Variants in RAB11FIP5 observed in about 807,000 individuals in gnomAD.
RAB11FIP5 encodes the protein RAB11 family interacting protein 5.
In RAB11FIP5, 48 loss-of-function variants were observed where a neutral mutation model predicts 85.1. The observed-to-expected ratio is 0.56, with a 90% confidence interval of 0.45 to 0.72. The LOEUF (loss-of-function observed/expected upper bound fraction) is 0.72, where lower values mean the gene tolerates loss of function less well. Ranked by LOEUF, RAB11FIP5 falls within the 30% of genes least tolerant of loss-of-function variation. The pLI is 0.00. For missense variants in RAB11FIP5, 1,491 were observed against 1,687.0 expected, an observed-to-expected ratio of 0.88 and a Z score of 2.04; for synonymous variants, 729 against 727.3, an observed-to-expected ratio of 1.00 and a Z score of -0.04.
At chr2:73,104,301 G>C (rs1037279437) in intron 1 of RAB11FIP5, among the ~76,000 whole-genome samples, 3 of 152,182 alleles carry the variant, frequency 2.0e-5, no homozygotes, top group African/African-American at 7.2e-5. Flanking sequence ...ATAGGGGCCA[G>C]GTGTGGTGGC....
At position 73,080,573 on chromosome 2, in the gene RAB11FIP5, G is replaced by T; in HGVS notation, c.2659C>A (p.Pro887Thr). The T allele has an allele frequency of 8.1e-7, 1 of 1,232,424 alleles. No homozygotes were observed. Among genetic ancestry groups the T allele is most frequent in the Non-Finnish European group, 1.0e-6 (1 of 988,066 alleles). 76.3% of individuals were successfully genotyped at this position (1,232,424 alleles called of 1,614,324 possible). A position where few individuals can be genotyped will look rare whatever the true frequency, so the allele number is the denominator to read the frequency against. Reference sequence around the variant, plus strand: ...AGCCCCTTGTCAGACACCCACTCGGGTTTAGGCTCGGGCTCCGGTGGGGGA... The same window carrying T: ...AGCCCCTTGTCAGACACCCACTCGGTTTTAGGCTCGGGCTCCGGTGGGGGA... The part of the protein sequence containing the change: ...GLPPPEPEPK[P>T]EWVSDKGLQP... Residue 887 changes from proline to threonine, a missense_variant, in exon 4 of 6, where the codon CCC (proline) becomes ACC (threonine). Pro to Thr is a conservative substitution (Grantham distance 38, BLOSUM62 -1). This residue lies in a region of RAB11FIP5 where 1,211 missense variants were observed against 1,338.0 expected (regional missense o/e 0.91). Transcript: ENST00000486777.
intron 1 of RAB11FIP5, among the ~76,000 whole-genome samples, chr2:73,091,199 C>T (rs867409070): frequency 6.6e-6 from 1 of 152,188 alleles, no homozygotes; most frequent in Non-Finnish European, 1.5e-5. Flanking sequence ...CTAAGACAGA[C>T]ACATGCCAAC....
chr2:73,076,281 G>T, intron 4 of RAB11FIP5, 99 bp from the exon 5 acceptor site: 1 of 1,183,924 alleles, frequency 8.4e-7, no homozygotes, highest in African/African-American at 1.5e-5. Context: ...CTGCTGGACA[G>T]AAAGCCCAGC....
chr2:73,111,510 C>T (rs575848206), intron 1 of RAB11FIP5, among the ~76,000 whole-genome samples: 1 of 152,338 alleles, frequency 6.6e-6, no homozygotes, highest in African/African-American at 2.4e-5. Flanking sequence ...GGAAATGGGG[C>T]TCCAAGGCTG....
chr2:73,091,191 A>G (rs1684201708), intron 1 of RAB11FIP5, among the ~76,000 whole-genome samples: 1 of 152,226 alleles, frequency 6.6e-6, no homozygotes, highest in Non-Finnish European at 1.5e-5. Flanking sequence ...GCAATGAACT[A>G]AGACAGACAC....
Position 73,074,725 on chromosome 2 carries a change from C to T in RAB11FIP5, c.*796G>A, listed in dbSNP as rs112413800. ...GCTTGATCCCCAAATCATAAGCAGT[C>T]CCAAGCCCCAGCCTGGAGGGACCTA... On this transcript the variant is annotated 3_prime_UTR_variant, in exon 6 of 6. Coordinates refer to ENST00000486777, the MANE Select transcript of RAB11FIP5 (RefSeq NM_001371272.1). 292 of 165,570 alleles carry T rather than the reference C, an allele frequency of 1.8e-3. 2 individuals carry two copies. The highest frequency in any genetic ancestry group is 5.3e-3 in the African/African-American group (222 of 41,772). 10.3% of individuals were successfully genotyped at this position (165,570 alleles called of 1,614,324 possible). A position where few individuals can be genotyped will look rare whatever the true frequency, so the allele number is the denominator to read the frequency against.
intron 1 of RAB11FIP5, among the ~76,000 whole-genome samples, chr2:73,109,719 C>A (rs1684603618): frequency 6.6e-6 from 1 of 152,212 alleles, no homozygotes; most frequent in African/African-American, 2.4e-5. Context: ...CAGAGAGCTG[C>A]AAAGGGCCAG....
chr2:73,080,492 G>A lies in RAB11FIP5; in HGVS notation c.2740C>T (p.Gln914Ter). Residue 914 changes from glutamine (Q) to a stop codon, truncating the protein, a stop_gained, in exon 4 of 6, where the codon CAG (glutamine) becomes TAG (stop). Transcript: ENST00000486777. LOFTEE classifies it high-confidence loss of function. ...GCGGCCTTCTCCTCCTCCTCCTCCT[G>A]GGATCTTGAGGGTGTGAAGAGGCGC... The part of the protein sequence containing the change: ...PPRLFTPSRS[Q>*]EEEEEKAAVG... 1.6e-6 allele frequency: 2 copies of A among 1,233,168 alleles called. No individual in the cohort carries two copies. Among genetic ancestry groups the A allele is most frequent in the Non-Finnish European group, 2.0e-6 (2 of 988,522 alleles). 76.4% of individuals were successfully genotyped at this position (1,233,168 alleles called of 1,614,324 possible). A position where few individuals can be genotyped will look rare whatever the true frequency, so the allele number is the denominator to read the frequency against.
rs878935218 is a variant in RAB11FIP5, at chr2:73,086,182, C to G, written c.1568+1868G>C. On this transcript the variant is annotated intron_variant, in intron 3 of 5. Transcript: ENST00000486777. This position sits in a 1 kb window ranked among gnomAD's most constrained non-coding sequence, Gnocchi z 4.4. ...TTACCCAAAGCACAGCCCCTCCCACCCCATCTGCATGCACGGCCACAGAGC... is the reference window on the plus strand; with the variant it reads ...TTACCCAAAGCACAGCCCCTCCCACGCCATCTGCATGCACGGCCACAGAGC... Among the ~76,000 whole-genome samples the G allele has an allele frequency of 1.3e-5, 2 of 152,206 alleles. No individual in the cohort carries two copies. Among genetic ancestry groups the G allele is most frequent in the Admixed American group, 1.3e-4 (2 of 15,284 alleles).
In RAB11FIP5 at chr2:73,080,206, T is replaced by C; in HGVS notation, c.3026A>G (p.Lys1009Arg). ...GTGCTGACTCTGAAGAGCCAAGCTC[T>C]TTGAGTGACAGGGTATGGGGGCAGG... ...EGPAPIPCHSKSLALQSQHIW... is the reference protein window; with the variant it reads ...EGPAPIPCHSRSLALQSQHIW... The change falls in exon 4 of 6, where the codon AAG becomes AGG. Residue 1009 changes from lysine (K) to arginine (R), a missense_variant. Lys to Arg is a conservative substitution (Grantham distance 26). Transcript: ENST00000486777. 8.1e-7 allele frequency: 1 copy of C among 1,232,212 alleles called. No individual in the cohort carries two copies. 76.3% of individuals were successfully genotyped at this position (1,232,212 alleles called of 1,614,324 possible).
rs747136486 is a variant in RAB11FIP5, at chr2:73,075,448, A to T, written c.*73T>A. On this transcript the variant is annotated 3_prime_UTR_variant, in exon 6 of 6. Transcript: ENST00000486777. This position sits in a 1 kb window ranked among gnomAD's most constrained non-coding sequence, Gnocchi z 4.6. Reference sequence around the variant, plus strand: ...GACAGACGATGCCCCACTGCAGATGAGAGAGTTCAGGAGGAGAGAGGGCAG... The same window carrying T: ...GACAGACGATGCCCCACTGCAGATGTGAGAGTTCAGGAGGAGAGAGGGCAG... 3 of 1,424,420 alleles carry T rather than the reference A, an allele frequency of 2.1e-6. No homozygotes were observed. In the East Asian group the frequency reaches 6.8e-5, roughly 32 times the overall value. The allele number at this position is 1,424,420 out of a possible 1,614,324, so 88.2% of individuals were successfully genotyped here.
At chr2:73,106,990 G>T (rs1684540933) in intron 1 of RAB11FIP5, among the ~76,000 whole-genome samples, 1 of 152,060 alleles carries the variant, frequency 6.6e-6, no homozygotes, top group African/African-American at 2.4e-5. Context: ...AGAGGCCGGG[G>T]CCCAGCTCCA....
At chr2:73,087,650 C>T (rs925456580) in intron 3 of RAB11FIP5, among the ~76,000 whole-genome samples, 3 of 152,156 alleles carry the variant, frequency 2.0e-5, no homozygotes, top group Admixed American at 6.5e-5. Context: ...TCTGAGAGTG[C>T]GGTCTCCAGT....
rs999041048 is a variant in RAB11FIP5, at chr2:73,074,328, A to C, written c.*1193T>G. On this transcript the variant is annotated 3_prime_UTR_variant, in exon 6 of 6. Coordinates refer to ENST00000486777, the MANE Select transcript of RAB11FIP5 (RefSeq NM_001371272.1). ...GTCCTGAGGCCAGACAATGAGAGTG[A>C]GCAGGGCAGCCCCAGGCCTGCCTGC... The C allele has an allele frequency of 2.0e-5, 3 of 152,358 alleles. No individual in the cohort carries two copies. Among genetic ancestry groups the C allele is most frequent in the Non-Finnish European group, 4.4e-5 (3 of 68,178 alleles). 9.4% of individuals were successfully genotyped at this position (152,358 alleles called of 1,614,324 possible). A position where few individuals can be genotyped will look rare whatever the true frequency, so the allele number is the denominator to read the frequency against.
intron 1 of RAB11FIP5, among the ~76,000 whole-genome samples, chr2:73,098,034 T>G (rs1056679235): frequency 6.6e-6 from 1 of 152,214 alleles, no homozygotes; most frequent in African/African-American, 2.4e-5. Flanking sequence ...TTAACAACCC[T>G]GTGAGGTTGA....
chr2:73,096,981 C>T (rs1684330976), intron 1 of RAB11FIP5, among the ~76,000 whole-genome samples: 1 of 152,200 alleles, frequency 6.6e-6, no homozygotes, highest in Non-Finnish European at 1.5e-5. Context: ...CTCTGTTCAT[C>T]CAAGCCTCCT....
rs532279156 is a variant in RAB11FIP5 at position 73,081,320 on chromosome 2, G to A, written c.1912C>T (p.Leu638=). 1.6e-6 allele frequency: 2 copies of A among 1,232,836 alleles called. No individual in the cohort carries two copies. Among genetic ancestry groups the A allele is most frequent in the Non-Finnish European group, 1.0e-6 (1 of 988,588 alleles). 76.4% of individuals were successfully genotyped at this position (1,232,836 alleles called of 1,614,324 possible). The change falls in exon 4 of 6, where the codon CTG becomes TTG. Residue 638 remains leucine, a synonymous_variant. Coordinates refer to ENST00000486777, the MANE Select transcript of RAB11FIP5 (RefSeq NM_001371272.1). This position sits in a 1 kb window ranked among gnomAD's most constrained non-coding sequence, Gnocchi z 4.2. ...GGCAGGGCTTTCCCAGGGGAGGCCA[G>A]GGGGGTGGGGCTGGCCCTCGAGGCA... ...PSASRASPTP[L]ASPGKALPEW...
In RAB11FIP5 at chr2:73,078,614, G is replaced by A. The variant is rs1289981211; in HGVS notation, c.3581+1037C>T. Among the ~76,000 whole-genome samples, 3 of 152,198 alleles carry A rather than the reference G, an allele frequency of 2.0e-5. No homozygotes were observed. The highest frequency in any genetic ancestry group is 2.0e-4 in the Admixed American group (3 of 15,284). ...CCACTTTATCTTCCCCAGTGGATTG[G>A]ACATTCCTTGGGAACAGAGTGGAGA... is the stretch of plus-strand genomic sequence containing the variant. On this transcript the variant is annotated intron_variant, in intron 4 of 5. Transcript: ENST00000486777. This position sits in a 1 kb window ranked among gnomAD's most constrained non-coding sequence, Gnocchi z 4.4.
At chr2:73,098,453 C>A (rs1684365867) in intron 1 of RAB11FIP5, among the ~76,000 whole-genome samples, 1 of 152,214 alleles carries the variant, frequency 6.6e-6, no homozygotes, top group South Asian at 2.1e-4. Flanking sequence ...GTGGAGCGCT[C>A]AGAACAGGGC....
Sources: allele counts gnomAD v4.1 joint callset (sites outside exome capture counted in the v4.1 genomes callset), GRCh38; gene constraint gnomAD v4.1.1; regional missense constraint gnomAD v4.1.1; non-coding constraint Gnocchi (gnomAD v3.1); transcripts MANE v1.5; gene names NCBI Gene and HGNC (gene_info 2026-07-23, HGNC 2026-07-21).